The following ADAMTS6 variants were observed in gnomAD, a reference collection of about 807,000 sequenced individuals.
The protein encoded by ADAMTS6 is A disintegrin and metalloproteinase with thrombospondin motifs 6.
A neutral mutation model predicts 144.3 loss-of-function variants in ADAMTS6; 23 were observed. That is an observed-to-expected ratio of 0.16 (90% CI 0.11 to 0.23). The LOEUF is 0.23. Among genes scored for constraint, ADAMTS6 ranks in the 10% least tolerant of loss-of-function variants. The pLI is 1.00. For synonymous variants in ADAMTS6, 444 were observed against 457.5 expected (o/e 0.97, Z 0.38); for missense variants, 999 against 1,379.6 (o/e 0.72, Z 4.37).
At position 65,473,703 on chromosome 5, in the gene ADAMTS6, G is replaced by A. The variant is rs775885653; in HGVS notation, c.-30C>T. On this transcript the variant is annotated 5_prime_UTR_variant, in exon 2 of 25. Coordinates refer to ENST00000381055, the MANE Select transcript of ADAMTS6 (RefSeq NM_197941.4). ...TAGAAAACTGGATGATTTTTTTGAG[G>A]GCTACCTATGTGCTAAAGAGTCAAT... 2.0e-6 allele frequency: 3 copies of A among 1,535,098 alleles called. No individual in the cohort carries two copies. The South Asian group carries it at 3.4e-5, about 17-fold the overall frequency.
At chr5:65,359,931 A>G (rs866361064) in intron 7 of ADAMTS6, among the ~76,000 whole-genome samples, 1 of 152,234 alleles carries the variant, frequency 6.6e-6, no homozygotes. Context: ...ATTTTACAGC[A>G]TGGTGACTAT....
At chr5:65,314,961 T>A (rs1365928929) in intron 9 of ADAMTS6, among the ~76,000 whole-genome samples, 1 of 152,146 alleles carries the variant, frequency 6.6e-6, no homozygotes, top group East Asian at 1.9e-4. Context: ...CTTGTATCCT[T>A]GTATCAAAAT....
At chr5:65,376,545 T>C (rs1751569933) in intron 7 of ADAMTS6, among the ~76,000 whole-genome samples, 1 of 152,104 alleles carries the variant, frequency 6.6e-6, no homozygotes, top group Non-Finnish European at 1.5e-5. Flanking sequence ...TAAAACAGCT[T>C]TACAGGCCCG....
At chr5:65,390,080 A>C (rs893683101) in intron 7 of ADAMTS6, among the ~76,000 whole-genome samples, 1 of 152,184 alleles carries the variant, frequency 6.6e-6, no homozygotes, top group Admixed American at 6.5e-5. Flanking sequence ...GAAATAAGTC[A>C]TTGAAAAAAA....
intron 4 of ADAMTS6, among the ~76,000 whole-genome samples, chr5:65,455,466 T>A (rs1040790697): frequency 1.3e-5 from 2 of 152,050 alleles, no homozygotes; most frequent in African/African-American, 4.8e-5. Context: ...CACTTGAACC[T>A]GAGAGACAGA....
chr5:65,480,397 T>C (rs575033719), intron 1 of ADAMTS6, among the ~76,000 whole-genome samples: 1 of 149,260 alleles, frequency 6.7e-6, no homozygotes, highest in South Asian at 2.2e-4. Context: ...AAAGTTAACA[T>C]TCAGCAGCCC....
intron 7 of ADAMTS6, among the ~76,000 whole-genome samples, chr5:65,375,230 G>C (rs1219717832): frequency 6.6e-6 from 1 of 152,024 alleles, no homozygotes; most frequent in Non-Finnish European, 1.5e-5. Flanking sequence ...ACACCAAAAG[G>C]AATGGTAACA....
intron 18 of ADAMTS6, among the ~76,000 whole-genome samples, chr5:65,221,496 G>C (rs1757321095): frequency 6.6e-6 from 1 of 152,040 alleles, no homozygotes; most frequent in Admixed American, 6.6e-5. Flanking sequence ...AACTGACAAA[G>C]GTCATTACAT....
chr5:65,421,462 T>C (rs1185894994), intron 7 of ADAMTS6, among the ~76,000 whole-genome samples: 1 of 152,200 alleles, frequency 6.6e-6, no homozygotes, highest in African/African-American at 2.4e-5. Context: ...TTTTCCTTTA[T>C]AGGTTACCTT....
intron 15 of ADAMTS6, among the ~76,000 whole-genome samples, chr5:65,241,282 G>GTGCAGT (rs1442233366): frequency 7.0e-6 from 1 of 143,874 alleles, no homozygotes; most frequent in Non-Finnish European, 1.5e-5. Context: ...CTAGGTTGGA[G>GTGCAGT]TGCAGTGGCG....
At chr5:65,194,194 G>A (rs1208204338) in intron 21 of ADAMTS6, among the ~76,000 whole-genome samples, 1 of 152,192 alleles carries the variant, frequency 6.6e-6, no homozygotes, top group African/African-American at 2.4e-5. Context: ...GGTCCCTGAT[G>A]TTTGACGGTT....
chr5:65,239,263 TAAA>T (rs397884878), intron 15 of ADAMTS6, among the ~76,000 whole-genome samples: 7 of 142,864 alleles, frequency 4.9e-5, no homozygotes, highest in African/African-American at 1.8e-4. Context: ...ACTTAATGTA[TAAA>T]AAAAAAAAAA....
chr5:65,369,742 T>C (rs6899042), intron 7 of ADAMTS6, among the ~76,000 whole-genome samples: 18,326 of 152,144 alleles, frequency 0.12, 1,239 homozygotes, highest in African/African-American at 0.18. Context: ...ATACATTGGG[T>C]ATATTATTAG....
intron 11 of ADAMTS6, among the ~76,000 whole-genome samples, chr5:65,276,299 C>T (rs1404290352): frequency 1.3e-5 from 2 of 152,156 alleles, no homozygotes; most frequent in African/African-American, 4.8e-5. Context: ...ACCATATTAA[C>T]TTCTCTTTTA....
At chr5:65,220,872 G>T (rs546030210) in intron 18 of ADAMTS6, among the ~76,000 whole-genome samples, 1 of 152,168 alleles carries the variant, frequency 6.6e-6, no homozygotes. Flanking sequence ...GATTATCAAG[G>T]TAAAGAGACA....
At chr5:65,219,568 CTT>C (rs1319825376) in intron 18 of ADAMTS6, among the ~76,000 whole-genome samples, 1 of 152,140 alleles carries the variant, frequency 6.6e-6, no homozygotes, top group African/African-American at 2.4e-5. Context: ...ATAAAACAGA[CTT>C]TGCATCAAAG....
At chr5:65,163,627 CTT>C (rs1292835485) in intron 24 of ADAMTS6, among the ~76,000 whole-genome samples, 1 of 152,152 alleles carries the variant, frequency 6.6e-6, no homozygotes, top group Admixed American at 6.5e-5. Flanking sequence ...AGAGATCTCT[CTT>C]GAAGAGGTTT....
chr5:65,378,013 G>A (rs148424897), intron 7 of ADAMTS6, among the ~76,000 whole-genome samples: 1 of 149,200 alleles, frequency 6.7e-6, no homozygotes, highest in Non-Finnish European at 1.5e-5. Context: ...CTCTGTCTCT[G>A]TATGTCTTTT....
chr5:65,238,855 G>A (rs547368201), intron 15 of ADAMTS6, among the ~76,000 whole-genome samples: 1 of 152,278 alleles, frequency 6.6e-6, no homozygotes, highest in East Asian at 1.9e-4. Context: ...TTAATACTCA[G>A]TTTTTCCCTC....
Sources: gnomAD v4.1 joint callset for allele counts (sites outside exome capture counted in the v4.1 genomes callset) on GRCh38, gnomAD v4.1.1 for gene constraint, MANE v1.5 for transcripts, NCBI Gene and HGNC (gene_info 2026-07-23, HGNC 2026-07-21) for gene names.